GOSR2: variants seen among roughly 807,000 people sequenced by gnomAD.
The protein encoded by GOSR2 is 27 kDa Golgi SNARE protein.
GOSR2 carries 20 observed loss-of-function variants against 27.9 expected under a neutral mutation model. The ratio of observed to expected loss-of-function variants is 0.72; its 90% CI spans 0.50 to 1.04. The LOEUF (loss-of-function observed/expected upper bound fraction) is 1.04. GOSR2 is among the 50% of genes least tolerant of loss of function. The pLI is 0.00. For synonymous variants in GOSR2, 91 were observed against 98.8 expected, an observed-to-expected ratio of 0.92 and a Z score of 0.47; for missense variants, 261 against 270.5, an observed-to-expected ratio of 0.97 and a Z score of 0.25.
At chr17:46,923,335 A>C in intron 1 of GOSR2, 114 bp downstream of exon 1, 2 of 1,533,210 alleles carry the variant, frequency 1.3e-6, no homozygotes, top group South Asian at 2.4e-5. Flanking sequence ...TTTTTCCGCC[A>C]GGGCACTGCT....
chr17:46,942,022 C>G (rs141258781), downstream of GOSR2: 116 of 906,798 alleles, frequency 1.3e-4, no homozygotes, highest in Middle Eastern at 1.7e-3. Context: ...TATATCCTAC[C>G]TTAGTCCAAA....
intron 5 of GOSR2, chr17:46,936,277 T>C (rs996454053): frequency 5.1e-6 from 5 of 985,240 alleles, no homozygotes; most frequent in Non-Finnish European, 6.0e-6. Context: ...GTAGAGGCCT[T>C]TTAGGACCAA....
In GOSR2 at chr17:46,929,583, C is replaced by A; in HGVS notation, c.93C>A (p.His31Gln). 1.4e-6 allele frequency: 2 copies of A among 1,469,534 alleles called. No individual in the cohort carries two copies. Among genetic ancestry groups the A allele is most frequent in the Non-Finnish European group, 1.9e-6 (2 of 1,047,864 alleles). The allele number at this position is 1,469,534 out of a possible 1,614,324, so 91.0% of individuals were successfully genotyped here. The change falls in exon 2 of 6, where the codon CAC becomes CAA. Residue 31 changes from histidine (H) to glutamine (Q), a missense_variant and splice_region_variant. By Grantham distance (24) the His-to-Gln change is conservative (BLOSUM62 0). Transcript: ENST00000640051. ...RLETADKQSV[H>Q]IVENEIQASI... ...AGACGGCAGACAAGCAGTCTGTGCACAGTGAGTAATTAACTGTGGAGACCA... is the reference window on the plus strand; with the variant it reads ...AGACGGCAGACAAGCAGTCTGTGCAAAGTGAGTAATTAACTGTGGAGACCA...
At chr17:46,938,535 C>T in intron 5 of GOSR2, 64 bp from the exon 6 acceptor site, 3 of 1,609,290 alleles carry the variant, frequency 1.9e-6, no homozygotes, top group Non-Finnish European at 2.5e-6. Context: ...CTCCTGATGC[C>T]ATTCACCCAC....
chr17:46,961,382 A>C (rs2091040086), intron 6 of GOSR2, among the ~76,000 whole-genome samples: 1 of 152,148 alleles, frequency 6.6e-6, no homozygotes, highest in Non-Finnish European at 1.5e-5. Flanking sequence ...TACAAAAAAC[A>C]AAATAACTGG....
downstream of GOSR2, among the ~76,000 whole-genome samples, chr17:46,944,883 A>G (rs1428736549): frequency 6.6e-6 from 1 of 152,092 alleles, no homozygotes; most frequent in Non-Finnish European, 1.5e-5. Context: ...TACTGGCATA[A>G]GCCACCGCAG....
At chr17:46,925,068 A>G (rs1369198591) in intron 1 of GOSR2, among the ~76,000 whole-genome samples, 1 of 152,164 alleles carries the variant, frequency 6.6e-6, no homozygotes, top group African/African-American at 2.4e-5. Flanking sequence ...AGGTGTGTGG[A>G]GTGTAGATGC....
At chr17:46,931,711 C>T in intron 3 of GOSR2, 1 of 351,728 alleles carries the variant, frequency 2.8e-6, no homozygotes, top group Non-Finnish European at 5.2e-6. Flanking sequence ...GATGCTTTAC[C>T]TCAAAGATGC....
intron 6 of GOSR2, among the ~76,000 whole-genome samples, chr17:46,948,348 A>G (rs752048220): frequency 3.3e-5 from 5 of 152,372 alleles, no homozygotes; most frequent in East Asian, 1.9e-4. Flanking sequence ...CTAGCATTGC[A>G]TAGGACCCAG....
At chr17:46,955,685 A>G (rs969538815) in intron 6 of GOSR2, 12 of 152,100 alleles carry the variant, frequency 7.9e-5, no homozygotes, top group African/African-American at 2.9e-4. Context: ...TTCTGCACTC[A>G]CCTCCTCCAG....
Position 46,923,492 on chromosome 17 carries a change from G to A in GOSR2, c.29+271G>A, listed in dbSNP as rs1035618725. On this transcript the variant is annotated intron_variant, in intron 1 of 5. Coordinates refer to ENST00000640051, the MANE Select transcript of GOSR2 (RefSeq NM_004287.5). ...ACCTGCTGGGTAGACTGGGTGACGG[G>A]AAACTGGCACCTGCAGGTTATAAAA... The A allele has an allele frequency of 5.8e-6, 8 of 1,383,506 alleles. No individual in the cohort carries two copies. The African/African-American group carries it at 1.0e-4, about 18-fold the overall frequency. 85.7% of individuals were successfully genotyped at this position (1,383,506 alleles called of 1,614,324 possible).
chr17:46,925,635 C>T (rs2086386189), intron 1 of GOSR2, among the ~76,000 whole-genome samples: 1 of 152,186 alleles, frequency 6.6e-6, no homozygotes, highest in Non-Finnish European at 1.5e-5. Flanking sequence ...ACGTGGAGTC[C>T]AGTGAGCACC....
intron 1 of GOSR2, among the ~76,000 whole-genome samples, chr17:46,924,800 T>C (rs2086243566): frequency 6.6e-6 from 1 of 152,180 alleles, no homozygotes; most frequent in Admixed American, 6.5e-5. Flanking sequence ...GAAACGAAAT[T>C]ATGTTCATGT....
At chr17:46,927,632 C>G (rs1011196871) in intron 1 of GOSR2, among the ~76,000 whole-genome samples, 1 of 152,132 alleles carries the variant, frequency 6.6e-6, no homozygotes, top group Non-Finnish European at 1.5e-5. Flanking sequence ...TTATTGTAGT[C>G]CCTTCTTTCA....
intron 1 of GOSR2, 152 bp from the exon 2 acceptor site, chr17:46,929,368 G>A (rs545760997): frequency 1.5e-5 from 10 of 683,938 alleles, no homozygotes; most frequent in East Asian, 8.2e-5. Flanking sequence ...ATGCCAAAAC[G>A]TGGGACCTAA....
At chr17:46,926,397 G>T (rs1329470315) in intron 1 of GOSR2, among the ~76,000 whole-genome samples, 1 of 152,102 alleles carries the variant, frequency 6.6e-6, no homozygotes, top group Non-Finnish European at 1.5e-5. Flanking sequence ...GTAGTTTCAT[G>T]AACTTTTAAA....
At chr17:46,969,363 G>A (rs2091368085), downstream of GOSR2, among the ~76,000 whole-genome samples, 1 of 152,240 alleles carries the variant, frequency 6.6e-6, no homozygotes, top group African/African-American at 2.4e-5. Flanking sequence ...AGGAAGGAGG[G>A]TGGTGGGCCA....
At position 46,939,528 on chromosome 17, in the gene GOSR2, C is replaced by T. The variant is rs887821621; in HGVS notation, c.*768C>T. ...TTCAGAGACTGTGGCTTGGCACCTGCGCCCAGGCTTTGTGGGCCTTTGCCC... is the reference window on the plus strand; with the variant it reads ...TTCAGAGACTGTGGCTTGGCACCTGTGCCCAGGCTTTGTGGGCCTTTGCCC... On this transcript the variant is annotated 3_prime_UTR_variant, in exon 6 of 6. Coordinates refer to ENST00000640051, the MANE Select transcript of GOSR2 (RefSeq NM_004287.5). 4.5e-5 allele frequency: 44 copies of T among 985,458 alleles called. No homozygotes were observed. The highest frequency in any genetic ancestry group is 6.1e-5 in the Admixed American group (1 of 16,286). 61.0% of individuals were successfully genotyped at this position (985,458 alleles called of 1,614,324 possible). A position where few individuals can be genotyped will look rare whatever the true frequency, so the allele number is the denominator to read the frequency against.
chr17:46,965,797 ATT>A (rs74700472), intron 6 of GOSR2, among the ~76,000 whole-genome samples: 21 of 137,624 alleles, frequency 1.5e-4, no homozygotes, highest in South Asian at 7.0e-4. Flanking sequence ...TAATTTTTGT[ATT>A]TTTTTTTTTT....
Sources: gnomAD v4.1 joint callset for allele counts (sites outside exome capture counted in the v4.1 genomes callset) on GRCh38, gnomAD v4.1.1 for gene constraint, MANE v1.5 for transcripts, NCBI Gene and HGNC (gene_info 2026-07-23, HGNC 2026-07-21) for gene names.